ITPR1: variants seen among roughly 807,000 people sequenced by gnomAD.
The protein encoded by ITPR1 is inositol 1,4,5-trisphosphate receptor type 1.
Under a neutral mutation model 318.4 loss-of-function variants are expected in ITPR1, and 96 were observed. The observed-to-expected ratio is 0.30, with a 90% CI of 0.26 to 0.36. ITPR1 has a LOEUF of 0.36. ITPR1 is among the 10% of genes least tolerant of loss of function. The pLI is 1.00. For synonymous variants in ITPR1, 1,312 were observed against 1,289.9 expected, an observed-to-expected ratio of 1.02 and a Z score of -0.37; for missense variants, 2,440 against 3,460.2, an observed-to-expected ratio of 0.71 and a Z score of 7.40.
intron 26 of ITPR1, among the ~76,000 whole-genome samples, chr3:4,683,074 G>C (rs1415739644): frequency 6.6e-6 from 1 of 152,172 alleles, no homozygotes; most frequent in East Asian, 1.9e-4. Context: ...TCCTCTTGCA[G>C]TTCTCAGACC....
chr3:4,709,532 A>G (rs1162772832), intron 37 of ITPR1, among the ~76,000 whole-genome samples: 2 of 152,220 alleles, frequency 1.3e-5, no homozygotes, highest in Non-Finnish European at 2.9e-5. Context: ...GTCTTAGCCA[A>G]CATGCCTGTA....
intron 4 of ITPR1, among the ~76,000 whole-genome samples, chr3:4,533,788 C>G (rs17030584): frequency 0.084 from 12,864 of 152,306 alleles, 680 homozygotes; most frequent in Middle Eastern, 0.15. Context: ...CAGGGCTTTT[C>G]TCTCCTCGCA....
At position 4,555,631 on chromosome 3, in the gene ITPR1, A is replaced by G. The variant is rs188611731; in HGVS notation, c.163+34537A>G. ...CATGGAGGAAACTTACTAATCTACA[A>G]TCTAGTTTTTTTCAGCATTTGAGGA... On this transcript the variant is annotated intron_variant, in intron 4 of 61. Coordinates refer to ENST00000649015, the MANE Select transcript of ITPR1 (RefSeq NM_001378452.1). 3.9e-3 allele frequency among the ~76,000 whole-genome samples: 589 copies of G among 152,338 alleles called. 3 individuals carry two copies. The highest frequency in any genetic ancestry group is 6.8e-3 in the Middle Eastern group (2 of 294).
At chr3:4,596,712 G>T (rs1207660767) in intron 4 of ITPR1, among the ~76,000 whole-genome samples, 5 of 152,158 alleles carry the variant, frequency 3.3e-5, no homozygotes, top group Non-Finnish European at 7.3e-5. Flanking sequence ...GATCAGAGCT[G>T]CTCGTTAGCT....
At chr3:4,553,992 C>T (rs1162621536) in intron 4 of ITPR1, among the ~76,000 whole-genome samples, 1 of 151,820 alleles carries the variant, frequency 6.6e-6, no homozygotes, top group Non-Finnish European at 1.5e-5. Flanking sequence ...GTCCGCCCTC[C>T]TTGGCATCCC....
chr3:4,586,038 T>C lies in ITPR1; in HGVS notation c.164-41725T>C, dbSNP rs916875219. Among the ~76,000 whole-genome samples, 47 of 152,152 alleles carry C rather than the reference T, an allele frequency of 3.1e-4. 1 individual carries two copies. Among genetic ancestry groups the C allele is most frequent in the Admixed American group, 1.2e-3 (18 of 15,262 alleles). The stretch of plus-strand genomic sequence containing the variant: ...TGTAGTGTTTGGTTTTCTGTCCTTG[T>C]GATAGTTTGCTGAGAATGATGGTTT... On this transcript the variant is annotated intron_variant, in intron 4 of 61. Transcript: ENST00000649015.
chr3:4,818,203 A>G lies in ITPR1; in HGVS notation c.7989A>G (p.Glu2663=), dbSNP rs755310414. The change falls in exon 60 of 62, where the codon GAA becomes GAG. Residue 2663 remains glutamate (E), a synonymous_variant. Transcript: ENST00000649015. The part of the protein sequence containing the change: ...IVLVKVKDST[E]YTGPESYVAE... The stretch of plus-strand genomic sequence containing the variant: ...TGGTGAAAGTAAAGGACTCCACCGA[A>G]TATACTGGGCCTGAGAGTTACGTGG... 3.1e-5 allele frequency: 49 copies of G among 1,592,586 alleles called. No homozygotes were observed. The highest frequency in any genetic ancestry group is 4.1e-5 in the Non-Finnish European group (48 of 1,163,124).
At chr3:4,535,145 G>T (rs1214065090) in intron 4 of ITPR1, among the ~76,000 whole-genome samples, 1 of 149,506 alleles carries the variant, frequency 6.7e-6, no homozygotes, top group Admixed American at 6.6e-5. Flanking sequence ...TGGGCGGGGG[G>T]AGGGAGGAAA....
In ITPR1 at chr3:4,795,090, C is replaced by A; in HGVS notation, c.6834C>A (p.Ala2278=). Residue 2278 remains alanine, a synonymous_variant, in exon 53 of 62, where the codon GCC becomes GCA. Transcript: ENST00000649015. ...LRAQPVLYWC[A]RNMSFWSSIS... ...CCCAGCCCGTGTTGTACTGGTGTGC[C>A]CGCAACATGTCTTTCTGGAGCAGCA... 1 of 1,613,674 alleles carries A rather than the reference C, an allele frequency of 6.2e-7. No homozygotes were observed. Among genetic ancestry groups the A allele is most frequent in the South Asian group, 1.1e-5 (1 of 90,996 alleles).
intron 60 of ITPR1, 103 bp from the exon 61 acceptor site, chr3:4,836,671 A>G (rs1411790928): frequency 1.8e-6 from 2 of 1,134,390 alleles, no homozygotes; most frequent in Non-Finnish European, 2.3e-6. Context: ...TAACCTAATG[A>G]GAGTTAGGAA....
intron 20 of ITPR1, chr3:4,671,797 C>G (rs922765728): frequency 6.6e-6 from 1 of 152,212 alleles, no homozygotes; most frequent in Non-Finnish European, 1.5e-5. Context: ...TTTCTTGCCT[C>G]CTGTATTCTG....
chr3:4,601,049 TG>T (rs1306516681), intron 4 of ITPR1, among the ~76,000 whole-genome samples: 1 of 151,968 alleles, frequency 6.6e-6, no homozygotes, highest in African/African-American at 2.4e-5. Flanking sequence ...TTAGTGGTGG[TG>T]GGCTGTGGAG....
At chr3:4,646,895 C>T (rs983272199) in intron 10 of ITPR1, among the ~76,000 whole-genome samples, 1 of 152,066 alleles carries the variant, frequency 6.6e-6, no homozygotes, top group Admixed American at 6.6e-5. Flanking sequence ...TCCTCCCTAG[C>T]TTCAATTGTT....
At chr3:4,562,167 G>A (rs902176319) in intron 4 of ITPR1, among the ~76,000 whole-genome samples, 7 of 152,134 alleles carry the variant, frequency 4.6e-5, no homozygotes, top group African/African-American at 1.7e-4. Context: ...GCGTTGGGCT[G>A]CATTCAAAGC....
intron 8 of ITPR1, among the ~76,000 whole-genome samples, chr3:4,644,587 T>C (rs1482377436): frequency 6.6e-6 from 1 of 152,218 alleles, no homozygotes; most frequent in East Asian, 1.9e-4. Flanking sequence ...GGTGCCTCTT[T>C]TTAACTGTTC....
Position 4,523,449 on chromosome 3 carries a change from T to C in ITPR1, c.163+2355T>C, listed in dbSNP as rs1032335508. Among the ~76,000 whole-genome samples, 3 of 151,866 alleles carry C rather than the reference T, an allele frequency of 2.0e-5. No individual in the cohort carries two copies. The East Asian group carries it at 5.8e-4, about 29-fold the overall frequency. On this transcript the variant is annotated intron_variant, in intron 4 of 61. Transcript: ENST00000649015. Reference sequence around the variant, plus strand: ...CTTATTATTTTTTTTGGTGAGAACATTTAAAAACTACTCTTAGTGAGTTTC... The same window carrying C: ...CTTATTATTTTTTTTGGTGAGAACACTTAAAAACTACTCTTAGTGAGTTTC...
chr3:4,639,282 C>A (rs1045006203), intron 5 of ITPR1, 102 bp from the exon 6 acceptor site: 1 of 851,618 alleles, frequency 1.2e-6, no homozygotes, highest in Non-Finnish European at 1.9e-6. Flanking sequence ...TTGCGTATTT[C>A]GGTGGTTCTT....
chr3:4,593,841 G>A (rs907282436), intron 4 of ITPR1, among the ~76,000 whole-genome samples: 1 of 152,152 alleles, frequency 6.6e-6, no homozygotes, highest in African/African-American at 2.4e-5. Context: ...GTGAATTGAG[G>A]CCTATTGATT....
chr3:4,736,673 AT>A (rs1297969712), intron 44 of ITPR1, among the ~76,000 whole-genome samples: 3 of 151,948 alleles, frequency 2.0e-5, no homozygotes, highest in Admixed American at 6.6e-5. Flanking sequence ...ATTGCTTTTT[AT>A]TTTGTCATGT....
Sources: gnomAD v4.1 joint callset for allele counts (sites outside exome capture counted in the v4.1 genomes callset) on GRCh38, gnomAD v4.1.1 for gene constraint, MANE v1.5 for transcripts, NCBI Gene and HGNC (gene_info 2026-07-23, HGNC 2026-07-21) for gene names.